Variants in BLCAP observed in about 807,000 individuals in gnomAD.
BLCAP encodes the protein apoptosis inducing factor BLCAP.
Under a neutral mutation model 5.7 loss-of-function variants are expected in BLCAP, and 1 was observed. That is an observed-to-expected ratio of 0.18 (90% CI 0.06 to 0.83). The LOEUF is 0.83. Ranked by LOEUF, BLCAP falls within the 40% of genes least tolerant of loss-of-function variation. The pLI is 0.71. For missense variants in BLCAP, 66 were observed against 107.6 expected, an observed-to-expected ratio of 0.61 and a Z score of 1.71; for synonymous variants, 48 against 49.4, an observed-to-expected ratio of 0.97 and a Z score of 0.11.
intron 1 of BLCAP, chr20:37,523,159 C>T (rs2071648851): frequency 5.6e-6 from 1 of 177,858 alleles, no homozygotes; most frequent in African/African-American, 2.4e-5. Context: ...GCAGAATGGA[C>T]ATTCTGACAT....
At chr20:37,519,778 C>T (rs1007723980) in intron 1 of BLCAP, among the ~76,000 whole-genome samples, 3 of 152,254 alleles carry the variant, frequency 2.0e-5, no homozygotes, top group Non-Finnish European at 4.4e-5. Context: ...GCTGTGCCCC[C>T]ACGTGGTAAG....
intron 1 of BLCAP, chr20:37,524,489 G>A (rs1339853704): frequency 6.6e-6 from 1 of 152,316 alleles, no homozygotes; most frequent in Non-Finnish European, 1.5e-5. Context: ...TTCTACACGG[G>A]GTCAGCTGAC....
rs1451329768 is a variant in BLCAP, at chr20:37,517,627, G to C, written c.*1284C>G. 6.6e-6 allele frequency: 1 copy of C among 152,450 alleles called. No individual in the cohort carries two copies. The highest frequency in any genetic ancestry group is 1.5e-5 in the Non-Finnish European group (1 of 68,022). The allele number at this position is 152,450 out of a possible 1,614,324, so 9.4% of individuals were successfully genotyped here. On this transcript the variant is annotated 3_prime_UTR_variant, in exon 2 of 2. Transcript: ENST00000373537. ...TGGATGGATCAGACTGAAAGGACAG[G>C]CATGCTGATCTCCAGCAGGCAGGGG...
chr20:37,519,896 G>A (rs1299030643), intron 1 of BLCAP, among the ~76,000 whole-genome samples: 1 of 152,250 alleles, frequency 6.6e-6, no homozygotes, highest in Non-Finnish European at 1.5e-5. Context: ...ACAGGCAAAG[G>A]ATCCTGAGGC....
chr20:37,521,551 G>C lies in BLCAP; in HGVS notation c.-176-2201C>G. 2.6e-6 allele frequency: 2 copies of C among 777,940 alleles called. No homozygotes were observed. The highest frequency in any genetic ancestry group is 5.4e-5 in the East Asian group (2 of 37,090). The allele number at this position is 777,940 out of a possible 1,614,324, so 48.2% of individuals were successfully genotyped here. A position where few individuals can be genotyped will look rare whatever the true frequency, so the allele number is the denominator to read the frequency against. ...GCCCAAGTGCCGCTGCCGGCACCGCGCGCCCCCTGCCCATTCCCTGCGCCG... is the reference window on the plus strand; with the variant it reads ...GCCCAAGTGCCGCTGCCGGCACCGCCCGCCCCCTGCCCATTCCCTGCGCCG... On this transcript the variant is annotated intron_variant, in intron 1 of 1. Coordinates refer to ENST00000373537, the MANE Select transcript of BLCAP (RefSeq NM_006698.4). The surrounding 1 kb of genome is among the most constrained non-coding windows in gnomAD (Gnocchi z 4.5).
intron 1 of BLCAP, chr20:37,522,761 G>A (rs1362698290): frequency 6.3e-7 from 1 of 1,596,462 alleles, no homozygotes; most frequent in Non-Finnish European, 8.5e-7. Context: ...CCCAACTGAG[G>A]CCCCAGCTCC....
intron 1 of BLCAP, among the ~76,000 whole-genome samples, chr20:37,522,090 C>A (rs1601092804): frequency 6.9e-6 from 1 of 144,098 alleles, no homozygotes; most frequent in East Asian, 2.0e-4. Context: ...CGGGCAAAAA[C>A]GCTTTAAAGA....
chr20:37,526,395 C>T (rs919617854), intron 1 of BLCAP, among the ~76,000 whole-genome samples: 7 of 151,694 alleles, frequency 4.6e-5, no homozygotes, highest in Non-Finnish European at 7.4e-5. Context: ...CTCTATATGC[C>T]CCAGAGACAC....
At chr20:37,524,772 T>TA (rs1249668489) in intron 1 of BLCAP, among the ~76,000 whole-genome samples, 1 of 152,178 alleles carries the variant, frequency 6.6e-6, no homozygotes, top group African/African-American at 2.4e-5. Flanking sequence ...TAAAGGCATC[T>TA]AAAACTTCAT....
chr20:37,522,417 A>G (rs1440934821), intron 1 of BLCAP: 1 of 1,614,010 alleles, frequency 6.2e-7, no homozygotes, highest in Non-Finnish European at 8.5e-7. Flanking sequence ...CTCCAGGGAC[A>G]CAGCCCATTG....
chr20:37,524,022 G>A (rs2071677983), intron 1 of BLCAP, among the ~76,000 whole-genome samples: 2 of 152,176 alleles, frequency 1.3e-5, no homozygotes, highest in African/African-American at 2.4e-5. Flanking sequence ...AAAGATGAGA[G>A]GAGGGGAAAA....
intron 1 of BLCAP, among the ~76,000 whole-genome samples, chr20:37,524,830 G>A (rs757329731): frequency 1.3e-5 from 2 of 152,112 alleles, no homozygotes; most frequent in Non-Finnish European, 2.9e-5. Flanking sequence ...TCCCGGTTCT[G>A]GTCTTGACTT....
chr20:37,519,405 A>C (rs1156902809), intron 1 of BLCAP, 55 bp from the exon 2 acceptor site: 26 of 136,488 alleles, frequency 1.9e-4, no homozygotes, highest in Middle Eastern at 2.1e-3. Flanking sequence ...ACAGACAGAC[A>C]AAAAAAAAAA....
At position 37,521,947 on chromosome 20, in the gene BLCAP, C is replaced by T. The variant is rs2071592439; in HGVS notation, c.-176-2597G>A. ...ACAACGAATTAGAGAAAAAGTAGTT[C>T]ACAGGAAAACAGAAAAACGCGCATT... is the stretch of plus-strand genomic sequence containing the variant. On this transcript the variant is annotated intron_variant, in intron 1 of 1. Transcript: ENST00000373537. The surrounding 1 kb of genome is among the most constrained non-coding windows in gnomAD (Gnocchi z 4.5). 6.8e-6 allele frequency among the ~76,000 whole-genome samples: 1 copy of T among 146,802 alleles called. No homozygotes were observed. Among genetic ancestry groups the T allele is most frequent in the African/African-American group, 2.5e-5 (1 of 39,966 alleles).
chr20:37,518,899 C>T lies in BLCAP; in HGVS notation c.*12G>A, dbSNP rs1175981051. ...GTCTTCTGCTTCCTTGGAAAGCTAA[C>T]AGGGCAGGCCGTTAGGTGCCCACAA... On this transcript the variant is annotated 3_prime_UTR_variant, in exon 2 of 2. Coordinates refer to ENST00000373537, the MANE Select transcript of BLCAP (RefSeq NM_006698.4). 3 of 1,613,248 alleles carry T rather than the reference C, an allele frequency of 1.9e-6. No individual in the cohort carries two copies. The highest frequency in any genetic ancestry group is 1.7e-5 in the Admixed American group (1 of 60,006).
At position 37,519,122 on chromosome 20, in the gene BLCAP, T is replaced by C. The variant is rs776541819; in HGVS notation, c.53A>G (p.Asn18Ser). The change falls in exon 2 of 2, where the codon AAC becomes AGC. Residue 18 changes from asparagine (N) to serine (S), a missense_variant. Asn to Ser is a conservative substitution (Grantham distance 46). Transcript: ENST00000373537. ...LPVLLIPKPL[N>S]PALWFSHSMF... is the part of the protein sequence containing the mutation. Reference sequence around the variant, plus strand: ...GGAGTGGCTGAACCACAGGGCGGGGTTGAGGGGCTTGGGGATGAGGAGGAC... The same window carrying C: ...GGAGTGGCTGAACCACAGGGCGGGGCTGAGGGGCTTGGGGATGAGGAGGAC... 3 of 1,609,700 alleles carry C rather than the reference T, an allele frequency of 1.9e-6. No homozygotes were observed. Among genetic ancestry groups the C allele is most frequent in the South Asian group, 2.2e-5 (2 of 90,554 alleles).
At chr20:37,522,618 T>G (rs778741814) in intron 1 of BLCAP, 94 of 1,541,930 alleles carry the variant, frequency 6.1e-5, no homozygotes, top group Non-Finnish European at 7.8e-5. Context: ...ACCACAGACA[T>G]GCTGTGGGTG....
In BLCAP at chr20:37,525,133, A is replaced by G. The variant is rs73621907; in HGVS notation, c.-177+2660T>C. Among the ~76,000 whole-genome samples, 34 of 152,172 alleles carry G rather than the reference A, an allele frequency of 2.2e-4. 1 individual carries two copies. The East Asian group carries it at 5.8e-3, about 26-fold the overall frequency. ...CCACACCTCCTCCCTTCTGAACCCC[A>G]TATCTTGGCAGGCCTCAAAACTGGG... is the stretch of plus-strand genomic sequence containing the variant. On this transcript the variant is annotated intron_variant, in intron 1 of 1. Transcript: ENST00000373537.
intron 1 of BLCAP, among the ~76,000 whole-genome samples, chr20:37,524,742 A>C (rs1017950657): frequency 6.6e-6 from 1 of 152,160 alleles, no homozygotes; most frequent in African/African-American, 2.4e-5. Flanking sequence ...TAAGTTTCTT[A>C]GCCCAATCAC....
Sources: allele counts gnomAD v4.1 joint callset (sites outside exome capture counted in the v4.1 genomes callset), GRCh38; gene constraint gnomAD v4.1.1; non-coding constraint Gnocchi (gnomAD v3.1); transcripts MANE v1.5; gene names NCBI Gene and HGNC (gene_info 2026-07-23, HGNC 2026-07-21).